SUFU: variants seen among roughly 807,000 people sequenced by gnomAD.
SUFU encodes the protein SUFU negative regulator of hedgehog signaling.
SUFU carries 7 observed loss-of-function variants against 58.9 expected under a neutral mutation model. That is an observed-to-expected ratio of 0.12 (90% CI 0.07 to 0.22). The LOEUF (loss-of-function observed/expected upper bound fraction) is 0.22, where lower values mean the gene tolerates loss of function less well. Ranked by LOEUF, SUFU falls within the 10% of genes least tolerant of loss-of-function variation. The probability of loss-of-function intolerance (pLI) is 1.00; values close to 1 mark genes in which losing one functional copy is unlikely to be tolerated. For missense variants in SUFU, 451 were observed against 641.3 expected (o/e 0.70, Z 3.20); for synonymous variants, 232 against 254.8 (o/e 0.91, Z 0.85).
At chr10:102,603,170 C>CG in intron 8 of SUFU, among the ~76,000 whole-genome samples, 1 of 151,926 alleles carries the variant, frequency 6.6e-6, no homozygotes, top group East Asian at 1.9e-4. Context: ...TTATTTATTT[C>CG]TTTTTTTTAG....
intron 2 of SUFU, among the ~76,000 whole-genome samples, chr10:102,515,389 C>T (rs1342624316): frequency 6.7e-6 from 1 of 148,656 alleles, no homozygotes; most frequent in Non-Finnish European, 1.5e-5. Flanking sequence ...TGATCTCACT[C>T]ACTGCAACCT....
chr10:102,596,420 T>C (rs539906080), intron 6 of SUFU, among the ~76,000 whole-genome samples: 1 of 152,100 alleles, frequency 6.6e-6, no homozygotes, highest in South Asian at 2.1e-4. Flanking sequence ...ATTTGGAGAG[T>C]GTTTGTACTC....
chr10:102,526,993 G>GTT (rs34862176), intron 2 of SUFU, among the ~76,000 whole-genome samples: 197 of 102,042 alleles, frequency 1.9e-3, no homozygotes, highest in Non-Finnish European at 2.5e-3. Flanking sequence ...TATTATTATT[G>GTT]TTTTTTTTTT....
chr10:102,624,019 C>T (rs1179159317), intron 10 of SUFU, among the ~76,000 whole-genome samples: 4 of 152,166 alleles, frequency 2.6e-5, no homozygotes, highest in Non-Finnish European at 4.4e-5. Flanking sequence ...ATAGTCACCT[C>T]CCTAGCAGAA....
chr10:102,615,453 C>T, intron 9 of SUFU, 51 bp downstream of exon 9: 1 of 1,613,392 alleles, frequency 6.2e-7, no homozygotes, highest in Non-Finnish European at 8.5e-7. Context: ...CCCAGCTCAG[C>T]CTCCAGGGGG....
intron 2 of SUFU, among the ~76,000 whole-genome samples, chr10:102,514,996 C>T (rs571150997): frequency 2.0e-5 from 3 of 152,202 alleles, no homozygotes; most frequent in Non-Finnish European, 2.9e-5. Context: ...CATGCCCATG[C>T]CTCACCACCA....
intron 3 of SUFU, among the ~76,000 whole-genome samples, chr10:102,562,912 T>C (rs2063053132): frequency 2.0e-5 from 3 of 152,126 alleles, no homozygotes; most frequent in South Asian, 2.1e-4. Flanking sequence ...ACAGTAGATA[T>C]TGAGCACCAA....
intron 2 of SUFU, among the ~76,000 whole-genome samples, chr10:102,545,503 T>C (rs2062846414): frequency 6.6e-6 from 1 of 152,090 alleles, no homozygotes; most frequent in South Asian, 2.1e-4. Flanking sequence ...TCTGTTTAAC[T>C]TTTTTAGGAA....
intron 2 of SUFU, among the ~76,000 whole-genome samples, chr10:102,546,923 A>G (rs1247877236): frequency 1.3e-5 from 2 of 152,274 alleles, no homozygotes; most frequent in Admixed American, 1.3e-4. Flanking sequence ...TGGTGGACAC[A>G]TGCGTGTGCA....
chr10:102,594,112 C>G, intron 6 of SUFU, 47 bp downstream of exon 6: 2 of 1,587,380 alleles, frequency 1.3e-6, no homozygotes, highest in Non-Finnish European at 1.7e-6. Flanking sequence ...GTGCCTAGGC[C>G]TCTTCCAAAT....
chr10:102,623,711 G>A (rs993969697), intron 10 of SUFU, among the ~76,000 whole-genome samples: 22 of 152,276 alleles, frequency 1.4e-4, no homozygotes, highest in Admixed American at 7.2e-4. Context: ...AGGCCAAGGC[G>A]GATGGATCAT....
intron 8 of SUFU, among the ~76,000 whole-genome samples, chr10:102,602,546 A>G (rs543393568): frequency 2.0e-4 from 30 of 152,346 alleles, no homozygotes; most frequent in Non-Finnish European, 3.4e-4. Flanking sequence ...AATCCCAGAA[A>G]TAACAAGCTA....
chr10:102,580,348 C>T (rs539551990), intron 3 of SUFU, among the ~76,000 whole-genome samples: 1 of 152,228 alleles, frequency 6.6e-6, no homozygotes, highest in South Asian at 2.1e-4. Flanking sequence ...TTTTTTGCTC[C>T]TACGCTGTTT....
intron 3 of SUFU, among the ~76,000 whole-genome samples, chr10:102,574,983 G>C (rs1485803140): frequency 2.0e-5 from 3 of 152,130 alleles, no homozygotes; most frequent in Non-Finnish European, 4.4e-5. Flanking sequence ...TTGAACCCGG[G>C]AGGCGGAGGT....
intron 2 of SUFU, among the ~76,000 whole-genome samples, chr10:102,536,078 C>G (rs886221186): frequency 6.6e-6 from 1 of 152,194 alleles, no homozygotes; most frequent in South Asian, 2.1e-4. Flanking sequence ...AAGAGATTCT[C>G]CTGTCTCAGC....
Position 102,577,088 on chromosome 10 carries a change from T to C in SUFU, c.455-15494T>C, listed in dbSNP as rs933010975. On this transcript the variant is annotated intron_variant, in intron 3 of 11. Coordinates refer to ENST00000369902, the MANE Select transcript of SUFU (RefSeq NM_016169.4). Reference sequence around the variant, plus strand: ...CATGTCCTGGATTTTTTCTTTTCTTTTTTTTTTTTTTTTGAGATGGAGTCT... The same window carrying C: ...CATGTCCTGGATTTTTTCTTTTCTTCTTTTTTTTTTTTTGAGATGGAGTCT... 2.3e-4 allele frequency among the ~76,000 whole-genome samples: 33 copies of C among 144,702 alleles called. 1 individual carries two copies. Among genetic ancestry groups the C allele is most frequent in the Admixed American group, 7.5e-4 (11 of 14,610 alleles). 94.9% of individuals were successfully genotyped at this position (144,702 alleles called of 152,430 possible). A position where few individuals can be genotyped will look rare whatever the true frequency, so the allele number is the denominator to read the frequency against.
rs990720714 is a variant in SUFU, at chr10:102,628,272, C to T, written c.1365+1029C>T. Among the ~76,000 whole-genome samples the T allele has an allele frequency of 2.0e-5, 3 of 152,280 alleles. No homozygotes were observed. The highest frequency in any genetic ancestry group is 2.1e-4 in the South Asian group (1 of 4,824). The stretch of plus-strand genomic sequence containing the variant: ...AGGAAGCTGAGGGGAGTGCACAGGG[C>T]GGGACCGTCCAGTCCAGGTCTCCAG... On this transcript the variant is annotated intron_variant, in intron 11 of 11. Transcript: ENST00000369902. This position sits in a 1 kb window ranked among gnomAD's most constrained non-coding sequence, Gnocchi z 4.5.
intron 2 of SUFU, among the ~76,000 whole-genome samples, chr10:102,532,920 G>A (rs1378404274): frequency 6.6e-6 from 1 of 152,168 alleles, no homozygotes; most frequent in Non-Finnish European, 1.5e-5. Flanking sequence ...TCCATTTTGG[G>A]AACAACACTG....
intron 2 of SUFU, among the ~76,000 whole-genome samples, chr10:102,513,516 A>G (rs1425037673): frequency 6.6e-6 from 1 of 152,254 alleles, no homozygotes; most frequent in Non-Finnish European, 1.5e-5. Context: ...GAAGGAGCTC[A>G]TGTTCTAGAG....
Sources: gnomAD v4.1 joint callset for allele counts (sites outside exome capture counted in the v4.1 genomes callset) on GRCh38, gnomAD v4.1.1 for gene constraint, Gnocchi (gnomAD v3.1) non-coding constraint, MANE v1.5 for transcripts, NCBI Gene and HGNC (gene_info 2026-07-23, HGNC 2026-07-21) for gene names.